The following GALNT13 variants were observed in gnomAD, a reference collection of about 807,000 sequenced individuals.
The protein encoded by GALNT13 is polypeptide N-acetylgalactosaminyltransferase 13.
Under a neutral mutation model 64.2 loss-of-function variants are expected in GALNT13, and 28 were observed. The ratio of observed to expected loss-of-function variants is 0.44; its 90% CI spans 0.32 to 0.60. The LOEUF is 0.60. Ranked by LOEUF, GALNT13 falls within the 20% of genes least tolerant of loss-of-function variation. The probability of loss-of-function intolerance (pLI) is 0.05; values close to 1 mark genes in which losing one functional copy is unlikely to be tolerated. For missense variants in GALNT13, 577 were observed against 669.8 expected, an observed-to-expected ratio of 0.86 and a Z score of 1.53; for synonymous variants, 214 against 224.6, an observed-to-expected ratio of 0.95 and a Z score of 0.42.
At chr2:153,082,600 TATATATATATATATATATAC>T in the GALNT13 span, among the ~76,000 whole-genome samples, 42 of 46,504 alleles carry the variant, frequency 9.0e-4, no homozygotes, top group East Asian at 4.0e-3. Context: ...TATATATATA[TATATATATATATATATATAC>T]ACACACACAC....
chr2:153,453,311 CTA>C, the GALNT13 span, among the ~76,000 whole-genome samples: 1 of 152,142 alleles, frequency 6.6e-6, no homozygotes, highest in African/African-American at 2.4e-5. Flanking sequence ...CCGAAAGAAA[CTA>C]TCAACAGACT....
Position 154,022,566 on chromosome 2 carries a change from T to A in GALNT13, c.142+77927T>A, listed in dbSNP as rs919901956. Among the ~76,000 whole-genome samples, 4 of 152,186 alleles carry A rather than the reference T, an allele frequency of 2.6e-5. No homozygotes were observed. In the South Asian group the frequency reaches 8.3e-4, roughly 32 times the overall value. ...ATCCCCTTTATCATTTTTTATTGCG[T>A]CTATCTGATTCTTCTCTCTTTTCTT... On this transcript the variant is annotated intron_variant, in intron 3 of 12. Coordinates refer to ENST00000392825, the MANE Select transcript of GALNT13 (RefSeq NM_052917.4).
intron 3 of GALNT13, among the ~76,000 whole-genome samples, chr2:154,117,256 C>A (rs1165352468): frequency 6.6e-6 from 1 of 152,100 alleles, no homozygotes; most frequent in East Asian, 1.9e-4. Context: ...TACTTTGCAT[C>A]CTTCAATCCA....
chr2:154,237,772 T>C (rs933140964), intron 4 of GALNT13, among the ~76,000 whole-genome samples: 2 of 151,762 alleles, frequency 1.3e-5, no homozygotes, highest in Admixed American at 1.3e-4. Flanking sequence ...AGATTATGTG[T>C]ACTCTTTGTA....
the GALNT13 span, among the ~76,000 whole-genome samples, chr2:153,791,650 G>T: frequency 1.3e-5 from 2 of 151,982 alleles, no homozygotes; most frequent in African/African-American, 4.8e-5. Context: ...CACTATTTAC[G>T]ATAGCAAAAT....
chr2:153,689,340 A>G, the GALNT13 span, among the ~76,000 whole-genome samples: 63 of 152,092 alleles, frequency 4.1e-4, 1 homozygote, highest in South Asian at 0.013. Flanking sequence ...GATCTATTCT[A>G]TTACTTAGTC....
chr2:153,487,267 G>A, the GALNT13 span, among the ~76,000 whole-genome samples: 1 of 152,188 alleles, frequency 6.6e-6, no homozygotes, highest in Non-Finnish European at 1.5e-5. Context: ...TGTATACACT[G>A]CTCATAGTGG....
chr2:154,368,813 T>G (rs1352202054), intron 9 of GALNT13, among the ~76,000 whole-genome samples: 1 of 152,168 alleles, frequency 6.6e-6, no homozygotes, highest in East Asian at 1.9e-4. Context: ...CCTCCCGAAT[T>G]CTTCATAACT....
the GALNT13 span, among the ~76,000 whole-genome samples, chr2:153,073,372 G>T: frequency 6.6e-6 from 1 of 151,362 alleles, no homozygotes; most frequent in African/African-American, 2.4e-5. Flanking sequence ...AACATGTTAC[G>T]CAAACCAGCT....
chr2:153,910,335 A>G (rs552373837), intron 2 of GALNT13, among the ~76,000 whole-genome samples: 3 of 151,944 alleles, frequency 2.0e-5, no homozygotes, highest in East Asian at 1.9e-4. Flanking sequence ...TTTTCTCTTT[A>G]TTAGCCTAGC....
chr2:153,481,778 T>C, the GALNT13 span, among the ~76,000 whole-genome samples: 1 of 152,168 alleles, frequency 6.6e-6, no homozygotes, highest in Non-Finnish European at 1.5e-5. Flanking sequence ...AATTTATAGT[T>C]TGAATAGCCT....
In GALNT13 at chr2:154,080,618, A is replaced by T. The variant is rs116765761; in HGVS notation, c.143-59719A>T. On this transcript the variant is annotated intron_variant, in intron 3 of 12. Transcript: ENST00000392825. ...ATTTCTAAATTGCCACCCTCCTTAG[A>T]TTCTTCTGACATACTAGCAGTGGCC... 6.1e-3 allele frequency among the ~76,000 whole-genome samples: 918 copies of T among 151,714 alleles called. 9 individuals are homozygous for T. The highest frequency in any genetic ancestry group is 0.021 in the African/African-American group (889 of 41,470).
chr2:153,562,116 T>C, the GALNT13 span, among the ~76,000 whole-genome samples: 1 of 139,806 alleles, frequency 7.2e-6, no homozygotes, highest in African/African-American at 2.6e-5. Flanking sequence ...GGTGTAGGCA[T>C]GTGGGTGCGT....
At chr2:153,402,778 T>C in the GALNT13 span, among the ~76,000 whole-genome samples, 1 of 152,148 alleles carries the variant, frequency 6.6e-6, no homozygotes, top group African/African-American at 2.4e-5. Flanking sequence ...TTCAGCTCCA[T>C]CAGCTCCTTT....
At chr2:153,996,739 C>T (rs1025598396) in intron 3 of GALNT13, among the ~76,000 whole-genome samples, 1 of 151,966 alleles carries the variant, frequency 6.6e-6, no homozygotes, top group Non-Finnish European at 1.5e-5. Flanking sequence ...CTGAAAAATT[C>T]TTCTTGAATC....
the GALNT13 span, among the ~76,000 whole-genome samples, chr2:153,093,354 T>A: frequency 3.5e-4 from 53 of 149,650 alleles, no homozygotes; most frequent in African/African-American, 1.2e-3. Flanking sequence ...TTCTCCTACC[T>A]CAGCCTCTCG....
chr2:154,368,762 G>A (rs1039333504), intron 9 of GALNT13, among the ~76,000 whole-genome samples: 5 of 152,046 alleles, frequency 3.3e-5, no homozygotes, highest in South Asian at 4.2e-4. Context: ...GGAAACTCTC[G>A]GTAAATGTTG....
At chr2:153,098,348 C>T in the GALNT13 span, among the ~76,000 whole-genome samples, 3 of 152,102 alleles carry the variant, frequency 2.0e-5, no homozygotes, top group South Asian at 6.2e-4. Context: ...TCCTTGGCTC[C>T]CAGCTTATTT....
At chr2:154,114,439 G>A (rs924544750) in intron 3 of GALNT13, among the ~76,000 whole-genome samples, 41 of 152,112 alleles carry the variant, frequency 2.7e-4, no homozygotes, top group African/African-American at 9.7e-4. Flanking sequence ...CCACAATGAC[G>A]TTTTGTGTCC....
Sources: gnomAD v4.1 joint callset for allele counts (sites outside exome capture counted in the v4.1 genomes callset) on GRCh38, gnomAD v4.1.1 for gene constraint, MANE v1.5 for transcripts, NCBI Gene and HGNC (gene_info 2026-07-23, HGNC 2026-07-21) for gene names.